The following SNHG17 variants were observed in gnomAD, a reference collection of about 807,000 sequenced individuals.
SNHG17 encodes the protein small nucleolar RNA host gene 17, also known as small nucleolar RNA host gene 17 (non-protein coding).
intron 5 of SNHG17, among the ~76,000 whole-genome samples, chr20:38,423,538 T>A (rs1234875412): frequency 1.5e-5 from 2 of 134,674 alleles, no homozygotes; most frequent in South Asian, 4.9e-4. Flanking sequence ...ATCTCACTTA[T>A]GTGTGCAATG....
intron 4 of SNHG17, chr20:38,426,390 T>C (rs903300559): frequency 6.5e-6 from 1 of 152,862 alleles, no homozygotes; most frequent in Non-Finnish European, 1.5e-5. Flanking sequence ...CACCAGTGCA[T>C]TCTCTAGAGA....
At chr20:38,421,964 G>A (rs1347066631) in intron 6 of SNHG17, 2 of 152,352 alleles carry the variant, frequency 1.3e-5, no homozygotes, top group Non-Finnish European at 2.9e-5. Flanking sequence ...AAGGTCAGGA[G>A]CATATGGTCC....
chr20:38,427,478 G>T (rs2084270245), intron 3 of SNHG17: 2 of 502,334 alleles, frequency 4.0e-6, no homozygotes, highest in African/African-American at 3.9e-5. Flanking sequence ...AGGGCAGGAG[G>T]ATGGTGCCAG....
intron 2 of SNHG17, chr20:38,433,988 C>T (rs6070129): frequency 9.6e-6 from 5 of 518,924 alleles, no homozygotes; most frequent in African/African-American, 1.9e-5. Context: ...CGATCACTTT[C>T]GAATACAGGT....
chr20:38,435,047 G>A (rs1273580561), intron 1 of SNHG17: 1 of 1,231,562 alleles, frequency 8.1e-7, no homozygotes, highest in African/African-American at 1.5e-5. Flanking sequence ...CTTTCCCGAG[G>A]ACACGCGAAT....
chr20:38,429,706 G>A (rs2084310078), intron 3 of SNHG17: 1 of 510,072 alleles, frequency 2.0e-6, no homozygotes, highest in Admixed American at 2.0e-5. Context: ...AGACAGGAGT[G>A]GACCCTCCAA....
intron 3 of SNHG17, chr20:38,428,661 T>C (rs1356350907): frequency 6.6e-6 from 1 of 152,244 alleles, no homozygotes; most frequent in Non-Finnish European, 1.5e-5. Flanking sequence ...AGGCCAACTG[T>C]TACTAAGTTC....
intron 3 of SNHG17, chr20:38,429,452 G>C: frequency 4.2e-6 from 1 of 239,022 alleles, no homozygotes; most frequent in Non-Finnish European, 8.2e-6. Flanking sequence ...CGTGGAAGGA[G>C]AGGTGTGGAG....
exon 7 of SNHG17, chr20:38,421,008 C>T (rs1290296846): frequency 6.6e-6 from 1 of 152,218 alleles, no homozygotes; most frequent in Non-Finnish European, 1.5e-5. Context: ...CAACTCACCA[C>T]GGTGAGAAAT....
intron 1 of SNHG17, chr20:38,434,836 T>C: frequency 2.7e-5 from 27 of 985,386 alleles, no homozygotes; most frequent in Non-Finnish European, 3.1e-5. Context: ...GACTGGCACT[T>C]TGTAGGCAAC....
intron 2 of SNHG17, among the ~76,000 whole-genome samples, chr20:38,432,798 C>T (rs901627903): frequency 5.9e-5 from 9 of 151,742 alleles, no homozygotes; most frequent in Non-Finnish European, 1.0e-4. Context: ...CACCTCCTGG[C>T]GCATGCCACC....
intron 1 of SNHG17, chr20:38,435,040 T>C: frequency 1.6e-6 from 2 of 1,231,338 alleles, no homozygotes; most frequent in Non-Finnish European, 2.0e-6. Context: ...CCAGTGTCTT[T>C]CCCGAGGACA....
chr20:38,431,782 A>G (rs1035268517), intron 2 of SNHG17, among the ~76,000 whole-genome samples: 2 of 152,224 alleles, frequency 1.3e-5, no homozygotes, highest in African/African-American at 4.8e-5. Context: ...ATTCCAAGAC[A>G]CAACAATGAT....
intron 1 of SNHG17, chr20:38,435,147 T>C: frequency 8.1e-7 from 1 of 1,232,186 alleles, no homozygotes. Context: ...GGCCTCAGTT[T>C]CCCCCGATGG....
At chr20:38,421,912 C>G (rs1341773084) in intron 6 of SNHG17, 5 of 152,224 alleles carry the variant, frequency 3.3e-5, no homozygotes, top group Admixed American at 3.3e-4. Context: ...GGAGTTAAGA[C>G]ACTTCCAGCA....
intron 2 of SNHG17, chr20:38,434,074 G>A (rs1168588495): frequency 1.0e-5 from 5 of 494,392 alleles, no homozygotes; most frequent in East Asian, 5.5e-5. Context: ...CCCCAGGGAA[G>A]AGAAGGGTAC....
chr20:38,434,949 A>G, intron 1 of SNHG17: 1 of 1,227,782 alleles, frequency 8.1e-7, no homozygotes, highest in Non-Finnish European at 1.0e-6. Flanking sequence ...GCCTCCCCGC[A>G]GAGTAGCTGC....
intron 2 of SNHG17, chr20:38,434,099 G>A: frequency 2.2e-6 from 1 of 455,628 alleles, no homozygotes. Flanking sequence ...GACCCTGAGA[G>A]CCATCATCAC....
At chr20:38,424,515 T>C (rs1465623542) in intron 5 of SNHG17, among the ~76,000 whole-genome samples, 1 of 152,184 alleles carries the variant, frequency 6.6e-6, no homozygotes, top group Admixed American at 6.5e-5. Context: ...CCAGCACTGC[T>C]CAATGGGATA....
Sources: allele counts gnomAD v4.1 joint callset (sites outside exome capture counted in the v4.1 genomes callset), GRCh38; gene constraint gnomAD v4.1.1; transcripts MANE v1.5; gene names NCBI Gene and HGNC (gene_info 2026-07-23, HGNC 2026-07-21).